MICALL2: variants seen among roughly 807,000 people sequenced by gnomAD.
MICALL2 encodes MICAL-like protein 2.
MICALL2 carries 111 observed loss-of-function variants against 91.1 expected under a neutral mutation model. The observed-to-expected ratio is 1.22, with a 90% confidence interval of 1.04 to 1.43. The LOEUF (loss-of-function observed/expected upper bound fraction) is 1.43, where lower values mean the gene tolerates loss of function less well. Ranked by LOEUF, MICALL2 falls within the 40% of genes most tolerant of loss-of-function variation. The pLI is 0.00. For synonymous variants in MICALL2, 694 were observed against 525.3 expected (o/e 1.32, Z -4.39); for missense variants, 1,556 against 1,236.0 (o/e 1.26, Z -3.88).
At chr7:1,454,250 A>C (rs921595811) in intron 1 of MICALL2, among the ~76,000 whole-genome samples, 34 of 152,032 alleles carry the variant, frequency 2.2e-4, no homozygotes, top group African/African-American at 8.2e-4. Flanking sequence ...AATCCCACGG[A>C]GAAGGGAGCA....
intron 5 of MICALL2, among the ~76,000 whole-genome samples, chr7:1,445,847 G>A (rs758490293): frequency 2.1e-4 from 32 of 152,180 alleles, no homozygotes; most frequent in Middle Eastern, 3.4e-3. Context: ...TTGCAGAGCT[G>A]GGGACAGAAG....
chr7:1,438,556 C>T (rs1780100427), intron 10 of MICALL2: 3 of 1,426,644 alleles, frequency 2.1e-6, no homozygotes, highest in African/African-American at 1.4e-5. Context: ...ACCCTGCACC[C>T]TGCCCTCCTC....
chr7:1,448,651 C>T lies in MICALL2; in HGVS notation c.303G>A (p.Gln101=), dbSNP rs1584226715. ...AGCGGCCGTGGAAGTAGTTGTAATA[C>T]TGGGACACGTAGGTCAAGATGCTCA... ...DRLSILTYVS[Q]YYNYFHGRSP... The change falls in exon 3 of 17, where the codon CAG becomes CAA. Residue 101 remains glutamine, a synonymous_variant. Coordinates refer to ENST00000297508, the MANE Select transcript of MICALL2 (RefSeq NM_182924.4). 1 of 1,612,752 alleles carries T rather than the reference C, an allele frequency of 6.2e-7. No homozygotes were observed. Among genetic ancestry groups the T allele is most frequent in the Admixed American group, 1.7e-5 (1 of 60,028 alleles).
chr7:1,442,132 A>G (rs993148109), intron 7 of MICALL2, 60 bp downstream of exon 7: 76 of 1,573,416 alleles, frequency 4.8e-5, no homozygotes, highest in Non-Finnish European at 6.3e-5. Flanking sequence ...GAGTGCGGCC[A>G]GGGGAGAGTC....
chr7:1,447,935 T>TCGGTCC, intron 3 of MICALL2, 170 bp from the exon 4 acceptor site: 1 of 489,094 alleles, frequency 2.0e-6, no homozygotes, highest in Middle Eastern at 5.4e-4. Flanking sequence ...CAGCCCCGGG[T>TCGGTCC]CGGTCCCCAC....
At chr7:1,441,966 TG>T in intron 7 of MICALL2, 2 of 590,674 alleles carry the variant, frequency 3.4e-6, no homozygotes, top group South Asian at 2.0e-5. Context: ...TGGGGTGGGC[TG>T]GGTGCCGGCA....
In MICALL2 at chr7:1,445,279, C is replaced by T; in HGVS notation, c.791G>A (p.Gly264Asp). Reference sequence around the variant, plus strand: ...GGAACAGGAGGTCCTGGAATCCACACCCATGGCCCCTGGCTGTCGGGGGAC... The same window carrying T: ...GGAACAGGAGGTCCTGGAATCCACATCCATGGCCCCTGGCTGTCGGGGGAC... ...GLVPRQPGAM[G>D]VDSRTSCSPQ... Residue 264 changes from glycine (G) to aspartate (D), a missense_variant, in exon 6 of 17, where the codon GGT becomes GAT. Physicochemically the swap from Gly to Asp is moderately conservative, Grantham distance 94 (BLOSUM62 -1). Transcript: ENST00000297508. 1 of 1,612,436 alleles carries T rather than the reference C, an allele frequency of 6.2e-7. No individual in the cohort carries two copies. Among genetic ancestry groups the T allele is most frequent in the Non-Finnish European group, 8.5e-7 (1 of 1,179,848 alleles).
chr7:1,435,043 A>G, intron 16 of MICALL2, 58 bp downstream of exon 16: 1 of 1,273,938 alleles, frequency 7.8e-7, no homozygotes, highest in Non-Finnish European at 1.0e-6. Context: ...CCCAGCACTC[A>G]GCATCCCCGG....
intron 1 of MICALL2, among the ~76,000 whole-genome samples, chr7:1,453,467 C>A (rs898812434): frequency 4.6e-5 from 7 of 152,158 alleles, no homozygotes; most frequent in African/African-American, 1.7e-4. Context: ...CACCTCCGTC[C>A]GGGACGTTGG....
chr7:1,440,711 G>T, intron 7 of MICALL2, 27 bp from the exon 8 acceptor site: 1 of 1,590,840 alleles, frequency 6.3e-7, no homozygotes, highest in Non-Finnish European at 8.6e-7. Flanking sequence ...GGGTCTGGGT[G>T]TGAGGAAGGA....
intron 2 of MICALL2, among the ~76,000 whole-genome samples, chr7:1,449,929 G>A (rs1780759244): frequency 7.5e-6 from 1 of 133,360 alleles, no homozygotes; most frequent in Non-Finnish European, 1.6e-5. Context: ...CCCTTGTTCT[G>A]CCTGAGGCAG....
chr7:1,442,749 C>T (rs1398639344), intron 6 of MICALL2, among the ~76,000 whole-genome samples: 2 of 152,118 alleles, frequency 1.3e-5, no homozygotes, highest in East Asian at 3.9e-4. Context: ...AGGCCACAGA[C>T]ACCTGTTTCT....
At position 1,436,096 on chromosome 7, in the gene MICALL2, CTA is replaced by C. The variant is rs1779953821; in HGVS notation, c.2591+644_2591+645del. Among the ~76,000 whole-genome samples the C allele has an allele frequency of 2.7e-5, 4 of 150,606 alleles. No individual in the cohort carries two copies. The South Asian group carries it at 8.4e-4, about 32-fold the overall frequency. On this transcript the variant is annotated intron_variant, in intron 15 of 16. Coordinates refer to ENST00000297508, the MANE Select transcript of MICALL2 (RefSeq NM_182924.4). ...AACAAAACAAAACAAACAAAAAAAA[CTA>C]AGACTTTACGGCCAGTTACGGTGGC...
intron 3 of MICALL2, 147 bp downstream of exon 3, chr7:1,448,473 G>A: frequency 1.4e-6 from 1 of 722,496 alleles, no homozygotes; most frequent in East Asian, 2.6e-5. Context: ...CTGCTTCACA[G>A]CCAGTGCACA....
chr7:1,437,716 G>C (rs1271325107), intron 13 of MICALL2, 108 bp from the exon 14 acceptor site: 3 of 1,321,844 alleles, frequency 2.3e-6, no homozygotes, highest in Non-Finnish European at 3.1e-6. Context: ...ACGAGTCTGA[G>C]GCCTGACTCG....
At chr7:1,438,632 C>T in intron 10 of MICALL2, 4 of 1,422,472 alleles carry the variant, frequency 2.8e-6, no homozygotes, top group Non-Finnish European at 3.7e-6. Flanking sequence ...CCATCATCAC[C>T]ATGAGTCTGT....
intron 15 of MICALL2, among the ~76,000 whole-genome samples, chr7:1,435,628 T>G (rs1407861526): frequency 1.3e-5 from 2 of 152,322 alleles, no homozygotes; most frequent in South Asian, 2.1e-4. Flanking sequence ...CTCATAGAGG[T>G]GGACTTCAGG....
In MICALL2 at chr7:1,448,712, G is replaced by T; in HGVS notation, c.242C>A (p.Ala81Asp). Residue 81 changes from alanine to aspartate, a missense_variant, in exon 3 of 17, where the codon GCC becomes GAC. Physicochemically the swap from Ala to Asp is moderately radical, Grantham distance 126. Coordinates refer to ENST00000297508, the MANE Select transcript of MICALL2 (RefSeq NM_182924.4). ...EHLGIPALLDAEDMVALKVPD... is the reference protein window; with the variant it reads ...EHLGIPALLDDEDMVALKVPD... ...CACCTTCAAGGCCACCATGTCCTCGGCATCCAGCAAGGCTGGGATGCCCAA... is the reference window on the plus strand; with the variant it reads ...CACCTTCAAGGCCACCATGTCCTCGTCATCCAGCAAGGCTGGGATGCCCAA... 6.2e-7 allele frequency: 1 copy of T among 1,612,800 alleles called. No homozygotes were observed. The highest frequency in any genetic ancestry group is 8.5e-7 in the Non-Finnish European group (1 of 1,179,926).
At chr7:1,448,520 G>C (rs1227191423) in intron 3 of MICALL2, 100 bp downstream of exon 3, 8 of 1,115,166 alleles carry the variant, frequency 7.2e-6, no homozygotes, top group African/African-American at 1.5e-5. Context: ...TCTTGGGGGG[G>C]GGGCTGGGCA....
Sources: gnomAD v4.1 joint callset for allele counts (sites outside exome capture counted in the v4.1 genomes callset) on GRCh38, gnomAD v4.1.1 for gene constraint, MANE v1.5 for transcripts, NCBI Gene and HGNC (gene_info 2026-07-23, HGNC 2026-07-21) for gene names.